SUPT3H: variants seen among roughly 807,000 people sequenced by gnomAD.
SUPT3H encodes transcription initiation protein SPT3 homolog.
Under a neutral mutation model 44.3 loss-of-function variants are expected in SUPT3H, and 44 were observed. The ratio of observed to expected loss-of-function variants is 0.99; its 90% CI spans 0.78 to 1.28. The LOEUF (loss-of-function observed/expected upper bound fraction) is 1.28, where lower values mean the gene tolerates loss of function less well. SUPT3H is among the 50% of genes most tolerant of loss of function. The probability of loss-of-function intolerance (pLI) is 0.00; values close to 1 mark genes in which losing one functional copy is unlikely to be tolerated. For missense variants in SUPT3H, 380 were observed against 387.1 expected, an observed-to-expected ratio of 0.98 and a Z score of 0.15; for synonymous variants, 124 against 125.6, an observed-to-expected ratio of 0.99 and a Z score of 0.09.
At chr6:44,842,901 C>G (rs1000773128) in intron 10 of SUPT3H, among the ~76,000 whole-genome samples, 1 of 151,128 alleles carries the variant, frequency 6.6e-6, no homozygotes, top group Non-Finnish European at 1.5e-5. Flanking sequence ...AAAGACATTG[C>G]TCAATGAAAA....
In SUPT3H at chr6:45,090,485, GA is replaced by G. The variant is rs1290504089; in HGVS notation, c.186+15436del. ...CTTTATTCTCACAAAAGAGACATTT[GA>G]AAATATCACCACCTGATCTCTGATT... On this transcript the variant is annotated intron_variant, in intron 3 of 10. Coordinates refer to ENST00000371459, the MANE Select transcript of SUPT3H (RefSeq NM_003599.4). Among the ~76,000 whole-genome samples, 4 of 152,034 alleles carry G rather than the reference GA, an allele frequency of 2.6e-5. No homozygotes were observed. In the East Asian group the frequency reaches 7.7e-4, roughly 29 times the overall value.
At position 45,158,275 on chromosome 6, in the gene SUPT3H, CAT is replaced by C. The variant is rs70996305; in HGVS notation, c.102-52271_102-52270del. On this transcript the variant is annotated intron_variant, in intron 2 of 10. Coordinates refer to ENST00000371459, the MANE Select transcript of SUPT3H (RefSeq NM_003599.4). ...CCTATATTTTATATATATAAATATA[CAT>C]ATATATATATATATATATATATTTT... is the stretch of plus-strand genomic sequence containing the variant. 4.4e-3 allele frequency among the ~76,000 whole-genome samples: 271 copies of C among 62,158 alleles called. 7 individuals carry two copies. The highest frequency in any genetic ancestry group is 6.9e-3 in the African/African-American group (55 of 7,958). The allele number at this position is 62,158 out of a possible 152,430, so 40.8% of individuals were successfully genotyped here.
intron 2 of SUPT3H, among the ~76,000 whole-genome samples, chr6:45,332,382 T>C (rs543809345): frequency 6.8e-4 from 103 of 151,934 alleles, no homozygotes; most frequent in Non-Finnish European, 1.1e-3. Context: ...AAGGTAAGTA[T>C]TCATAGAAAA....
chr6:44,908,372 C>T (rs1362070473), intron 10 of SUPT3H, among the ~76,000 whole-genome samples: 9 of 151,864 alleles, frequency 5.9e-5, no homozygotes, highest in Admixed American at 3.3e-4. Flanking sequence ...AGGATGGTCT[C>T]GATCTCCTGA....
At chr6:44,903,963 T>C (rs976267017) in intron 10 of SUPT3H, among the ~76,000 whole-genome samples, 1 of 152,168 alleles carries the variant, frequency 6.6e-6, no homozygotes. Context: ...AGAAAAGGCC[T>C]TTGACAAAAT....
At chr6:45,356,525 G>A (rs965106457) in intron 2 of SUPT3H, among the ~76,000 whole-genome samples, 2 of 151,964 alleles carry the variant, frequency 1.3e-5, no homozygotes, top group Non-Finnish European at 2.9e-5. Context: ...AGCCTCCTGA[G>A]TAGCTGGGAT....
In SUPT3H at chr6:45,266,374, G is replaced by A. The variant is rs111724643; in HGVS notation, c.101+98827C>T. Among the ~76,000 whole-genome samples, 1,214 of 151,626 alleles carry A rather than the reference G, an allele frequency of 8.0e-3. 25 individuals carry two copies. Among genetic ancestry groups the A allele is most frequent in the African/African-American group, 0.028 (1,145 of 41,426 alleles). Reference sequence around the variant, plus strand: ...CTTGGTAAAAATTTCTAATGATTTCGTCAAAGTGATACTTAACCTCAAACA... The same window carrying A: ...CTTGGTAAAAATTTCTAATGATTTCATCAAAGTGATACTTAACCTCAAACA... On this transcript the variant is annotated intron_variant, in intron 2 of 10. Coordinates refer to ENST00000371459, the MANE Select transcript of SUPT3H (RefSeq NM_003599.4).
chr6:45,061,337 A>G (rs1044935355), intron 3 of SUPT3H, among the ~76,000 whole-genome samples: 1 of 152,150 alleles, frequency 6.6e-6, no homozygotes, highest in Non-Finnish European at 1.5e-5. Flanking sequence ...TCAGCAAACT[A>G]ATGTAGGAAG....
At chr6:44,928,870 G>A (rs1769983902) in intron 10 of SUPT3H, among the ~76,000 whole-genome samples, 1 of 31,224 alleles carries the variant, frequency 3.2e-5, no homozygotes, top group African/African-American at 2.1e-4. Flanking sequence ...GCGACAGAAC[G>A]AGACTCCGTC....
intron 2 of SUPT3H, among the ~76,000 whole-genome samples, chr6:45,182,085 C>T (rs1813355973): frequency 6.6e-6 from 1 of 151,906 alleles, no homozygotes; most frequent in South Asian, 2.1e-4. Context: ...AATTTTTATG[C>T]ACCAAAGGTG....
At chr6:44,928,354 A>T (rs1275908559) in intron 10 of SUPT3H, among the ~76,000 whole-genome samples, 1 of 152,146 alleles carries the variant, frequency 6.6e-6, no homozygotes, top group Non-Finnish European at 1.5e-5. Context: ...CAAGAAGCAA[A>T]AAAGTAAAAT....
chr6:45,133,710 T>C (rs995345393), intron 2 of SUPT3H, among the ~76,000 whole-genome samples: 5 of 152,164 alleles, frequency 3.3e-5, no homozygotes, highest in African/African-American at 1.2e-4. Flanking sequence ...TCCAGATCTA[T>C]TTATATGGTA....
At chr6:45,224,310 TC>T (rs1437980838) in intron 2 of SUPT3H, among the ~76,000 whole-genome samples, 3 of 152,120 alleles carry the variant, frequency 2.0e-5, no homozygotes, top group Non-Finnish European at 1.5e-5. Context: ...TGTTAAAAGA[TC>T]TACAGTACTT....
intron 2 of SUPT3H, among the ~76,000 whole-genome samples, chr6:45,160,395 A>T (rs1808737171): frequency 6.6e-6 from 1 of 152,284 alleles, no homozygotes; most frequent in South Asian, 2.1e-4. Context: ...TTTCTTGAAA[A>T]TCAGTCTAAA....
chr6:45,298,840 T>C (rs532213672), intron 2 of SUPT3H, among the ~76,000 whole-genome samples: 6 of 152,296 alleles, frequency 3.9e-5, no homozygotes, highest in African/African-American at 1.4e-4. Context: ...AATTTATCTT[T>C]TAAGTTCCTG....
At chr6:44,896,920 G>A (rs1012173212) in intron 10 of SUPT3H, among the ~76,000 whole-genome samples, 1 of 152,174 alleles carries the variant, frequency 6.6e-6, no homozygotes, top group Non-Finnish European at 1.5e-5. Context: ...ATCAGATCCA[G>A]ATTCTCTTTA....
chr6:45,112,296 A>C (rs1800179418), intron 2 of SUPT3H, among the ~76,000 whole-genome samples: 1 of 152,130 alleles, frequency 6.6e-6, no homozygotes, highest in Non-Finnish European at 1.5e-5. Context: ...TGAGTAACAG[A>C]ACGAAATAAA....
In SUPT3H at chr6:45,022,318, TAACATTCTCCA is replaced by T. The variant is rs563900603; in HGVS notation, c.187-1697_187-1687del. 9.2e-5 allele frequency among the ~76,000 whole-genome samples: 14 copies of T among 152,016 alleles called. No homozygotes were observed. The East Asian group carries it at 2.7e-3, about 29-fold the overall frequency. ...ACTACATATAAATAATCTCTATTCA[TAACATTCTCCA>T]AAGTATCAGTTTACAAACATATTAG... On this transcript the variant is annotated intron_variant, in intron 3 of 10. Coordinates refer to ENST00000371459, the MANE Select transcript of SUPT3H (RefSeq NM_003599.4).
intron 3 of SUPT3H, among the ~76,000 whole-genome samples, chr6:45,084,507 C>T (rs9472436): frequency 0.17 from 25,359 of 152,128 alleles, 3,208 homozygotes; most frequent in African/African-American, 0.35. Flanking sequence ...CTTTCATACA[C>T]TGCTGGTAGG....
Sources: gnomAD v4.1 joint callset for allele counts (sites outside exome capture counted in the v4.1 genomes callset) on GRCh38, gnomAD v4.1.1 for gene constraint, MANE v1.5 for transcripts, NCBI Gene and HGNC (gene_info 2026-07-23, HGNC 2026-07-21) for gene names.